Variants in GALNT2 observed in about 807,000 individuals in gnomAD.
The protein encoded by GALNT2 is UDP-GalNAc:polypeptide N-acetylgalactosaminyltransferase 2.
In GALNT2, 31 loss-of-function variants were observed where a neutral mutation model predicts 81.4. The observed-to-expected ratio is 0.38, with a 90% CI of 0.29 to 0.51. The LOEUF is 0.51. GALNT2 is among the 20% of genes least tolerant of loss of function. The pLI is 0.87. For missense variants in GALNT2, 629 were observed against 765.7 expected (o/e 0.82, Z 2.11); for synonymous variants, 303 against 287.4 (o/e 1.05, Z -0.55).
chr1:230,276,806 C>T (rs1174250206), intron 15 of GALNT2, among the ~76,000 whole-genome samples: 1 of 152,210 alleles, frequency 6.6e-6, no homozygotes, highest in Non-Finnish European at 1.5e-5. Flanking sequence ...GCTAGCACCG[C>T]TTGGACCCAA....
intron 1 of GALNT2, among the ~76,000 whole-genome samples, chr1:230,077,352 T>G (rs1483580880): frequency 6.6e-6 from 1 of 152,234 alleles, no homozygotes; most frequent in Non-Finnish European, 1.5e-5. Flanking sequence ...GTCTCACTTT[T>G]GATCATCACT....
intron 1 of GALNT2, among the ~76,000 whole-genome samples, chr1:230,091,382 AC>A (rs1292217566): frequency 2.6e-5 from 4 of 151,742 alleles, no homozygotes; most frequent in African/African-American, 4.8e-5. Flanking sequence ...TCCTCAGCAA[AC>A]CTTTTCTATC....
chr1:230,059,474 G>A lies in GALNT2; in HGVS notation n.89+1396G>A, dbSNP rs1334846440. Among the ~76,000 whole-genome samples the A allele has an allele frequency of 3.3e-5, 5 of 152,322 alleles. No individual in the cohort carries two copies. The East Asian group carries it at 7.7e-4, about 23-fold the overall frequency. On this transcript the variant is annotated intron_variant and non_coding_transcript_variant, in intron 1 of 6. Transcript: ENST00000494106. The stretch of plus-strand genomic sequence containing the variant: ...TGCACAAGTGTTTGAAAGTGTCTGT[G>A]GAGATGTGTTAGGAAAGTAAATGAA...
intron 1 of GALNT2, among the ~76,000 whole-genome samples, chr1:230,126,466 A>G (rs1244567059): frequency 1.3e-5 from 2 of 152,088 alleles, no homozygotes. Flanking sequence ...GTCTTATATC[A>G]TAAGGGGGTT....
At chr1:230,177,342 G>C (rs191690879) in intron 1 of GALNT2, among the ~76,000 whole-genome samples, 1 of 152,224 alleles carries the variant, frequency 6.6e-6, no homozygotes, top group African/African-American at 2.4e-5. Flanking sequence ...TTGCGTATCC[G>C]CCTAATCGCA....
intron 6 of GALNT2, among the ~76,000 whole-genome samples, chr1:230,237,820 C>T (rs377185188): frequency 2.6e-5 from 4 of 151,774 alleles, no homozygotes; most frequent in African/African-American, 9.7e-5. Flanking sequence ...TGCCATCCTA[C>T]CCCATCACCT....
chr1:230,263,358 C>T, intron 13 of GALNT2: 1 of 246,938 alleles, frequency 4.0e-6, no homozygotes, highest in South Asian at 6.3e-5. Flanking sequence ...AGTCCCCAGC[C>T]TCCGCAAGCA....
chr1:230,075,067 C>G (rs1571930097), intron 1 of GALNT2, among the ~76,000 whole-genome samples: 1 of 145,596 alleles, frequency 6.9e-6, no homozygotes, highest in East Asian at 2.0e-4. Flanking sequence ...TGGAAGGCAT[C>G]TTGGAGCAGA....
intron 10 of GALNT2, 27 bp from the exon 11 acceptor site, chr1:230,255,191 T>C (rs1336928867): frequency 2.5e-6 from 4 of 1,614,068 alleles, no homozygotes; most frequent in African/African-American, 1.3e-5. Flanking sequence ...GCTCTGTCAG[T>C]CACCTGTGTC....
At chr1:230,186,376 C>T (rs598203) in intron 2 of GALNT2, among the ~76,000 whole-genome samples, 1 of 152,010 alleles carries the variant, frequency 6.6e-6, no homozygotes, top group South Asian at 2.1e-4. Context: ...AAGTCGGCCT[C>T]CCTGTCATCT....
At chr1:230,123,348 GTTAGGGGAGTTCCAGAA>G (rs1661078834) in intron 1 of GALNT2, among the ~76,000 whole-genome samples, 1 of 152,214 alleles carries the variant, frequency 6.6e-6, no homozygotes, top group African/African-American at 2.4e-5. Context: ...GGGCCAACCC[GTTAGGGGAGTTCCAGAA>G]ATATTTTGAA....
chr1:230,191,425 C>T (rs936634035), intron 2 of GALNT2, among the ~76,000 whole-genome samples: 3 of 152,238 alleles, frequency 2.0e-5, no homozygotes, highest in African/African-American at 7.2e-5. Flanking sequence ...TGAAAGGCTA[C>T]CATATAAAAG....
At chr1:230,153,425 G>T (rs929096669) in intron 1 of GALNT2, among the ~76,000 whole-genome samples, 2 of 152,060 alleles carry the variant, frequency 1.3e-5, no homozygotes, top group African/African-American at 4.8e-5. Context: ...CATTTTAAGG[G>T]TCTCTTTGCG....
chr1:230,072,767 G>A (rs1041869995), intron 1 of GALNT2, among the ~76,000 whole-genome samples: 1 of 152,162 alleles, frequency 6.6e-6, no homozygotes, highest in African/African-American at 2.4e-5. Context: ...AGCTGCCCTG[G>A]TCTTTCCTTG....
intron 15 of GALNT2, among the ~76,000 whole-genome samples, chr1:230,276,271 T>C (rs1471290895): frequency 1.3e-5 from 2 of 152,102 alleles, no homozygotes; most frequent in African/African-American, 2.4e-5. Flanking sequence ...TGGCAGCTTG[T>C]GGACACACCC....
rs1666382986 is a variant in GALNT2 at position 230,279,641 on chromosome 1, C to T, written c.*183C>T. On this transcript the variant is annotated 3_prime_UTR_variant, in exon 16 of 16. Transcript: ENST00000366672. The surrounding 1 kb of genome is among the most constrained non-coding windows in gnomAD (Gnocchi z 4.6). ...GTGCAGACACAGCAGCGGCAAGAAG[C>T]GAGAACTGCCCTCCCCCTCCTCTCG... 4 of 722,294 alleles carry T rather than the reference C, an allele frequency of 5.5e-6. No homozygotes were observed. The highest frequency in any genetic ancestry group is 2.9e-5 in the Admixed American group (1 of 35,050). The allele number at this position is 722,294 out of a possible 1,614,324, so 44.7% of individuals were successfully genotyped here.
chr1:230,239,126 T>C (rs371860444), intron 6 of GALNT2, among the ~76,000 whole-genome samples: 66 of 152,294 alleles, frequency 4.3e-4, no homozygotes, highest in African/African-American at 1.5e-3. Context: ...ATATTGTCTC[T>C]TTTTTTACTG....
intron 1 of GALNT2, among the ~76,000 whole-genome samples, chr1:230,075,368 A>G (rs935159517): frequency 6.6e-6 from 1 of 151,632 alleles, no homozygotes; most frequent in Non-Finnish European, 1.5e-5. Context: ...TGATCCACCC[A>G]CCTCGGCCTC....
At chr1:230,116,480 G>A (rs1043069946) in intron 1 of GALNT2, among the ~76,000 whole-genome samples, 42 of 152,092 alleles carry the variant, frequency 2.8e-4, no homozygotes, top group African/African-American at 6.8e-4. Context: ...TACCTGCCTC[G>A]GCCTCCCAAA....
Sources: gnomAD v4.1 joint callset for allele counts (sites outside exome capture counted in the v4.1 genomes callset) on GRCh38, gnomAD v4.1.1 for gene constraint, Gnocchi (gnomAD v3.1) non-coding constraint, MANE v1.5 for transcripts, NCBI Gene and HGNC (gene_info 2026-07-23, HGNC 2026-07-21) for gene names.